The following AJAP1 variants were observed in gnomAD, a reference collection of about 807,000 sequenced individuals.
AJAP1 encodes the protein adherens junctions associated protein 1, also known as adherens junction-associated protein 1.
AJAP1 carries 5 observed loss-of-function variants against 35.0 expected under a neutral mutation model. The ratio of observed to expected loss-of-function variants is 0.14; its 90% CI spans 0.07 to 0.30. AJAP1 has a LOEUF of 0.30. Among genes scored for constraint, AJAP1 ranks in the 10% least tolerant of loss-of-function variants. The pLI, the probability that AJAP1 is intolerant of heterozygous loss-of-function variation, is 1.00. For missense variants in AJAP1, 586 were observed against 571.0 expected, an observed-to-expected ratio of 1.03 and a Z score of -0.27; for synonymous variants, 284 against 249.3, an observed-to-expected ratio of 1.14 and a Z score of -1.31.
chr1:4,738,702 A>G (rs1044240812), intron 2 of AJAP1, among the ~76,000 whole-genome samples: 1 of 152,136 alleles, frequency 6.6e-6, no homozygotes, highest in Non-Finnish European at 1.5e-5. Flanking sequence ...TCTGTTCTGG[A>G]AGGGTTCCCT....
chr1:4,704,248 C>T (rs2100250858), intron 1 of AJAP1, among the ~76,000 whole-genome samples: 1 of 150,176 alleles, frequency 6.7e-6, no homozygotes, highest in African/African-American at 2.4e-5. Context: ...TGCTGGTGTG[C>T]TGCACCCATT....
chr1:4,732,414 T>A (rs1640820825), intron 2 of AJAP1, among the ~76,000 whole-genome samples: 1 of 152,272 alleles, frequency 6.6e-6, no homozygotes, highest in Non-Finnish European at 1.5e-5. Context: ...ATGTGGCTGC[T>A]GGAGAGGGGA....
chr1:4,673,618 G>T (rs1285183961), intron 1 of AJAP1, among the ~76,000 whole-genome samples: 1 of 152,194 alleles, frequency 6.6e-6, no homozygotes, highest in African/African-American at 2.4e-5. Context: ...GAGGTGTGGA[G>T]GGAGCAGGGG....
At chr1:4,726,472 G>A (rs1015226028) in intron 2 of AJAP1, among the ~76,000 whole-genome samples, 2 of 152,118 alleles carry the variant, frequency 1.3e-5, no homozygotes, top group Non-Finnish European at 2.9e-5. Flanking sequence ...AGGCTTCTGG[G>A]GTGGTGTGGG....
At chr1:4,758,306 GC>G (rs1370202185) in intron 2 of AJAP1, among the ~76,000 whole-genome samples, 2 of 152,186 alleles carry the variant, frequency 1.3e-5, no homozygotes, top group Non-Finnish European at 2.9e-5. Context: ...AGCATCAGGG[GC>G]TGGCATAGGA....
intron 2 of AJAP1, among the ~76,000 whole-genome samples, 196 bp from the exon 3 acceptor site, chr1:4,769,657 G>A (rs1417597906): frequency 6.6e-6 from 1 of 152,044 alleles, no homozygotes; most frequent in Non-Finnish European, 1.5e-5. Flanking sequence ...CCCCGGGTGA[G>A]AGCAGCCTCA....
Position 4,791,323 on chromosome 1 carries a change from T to TA in AJAP1, c.*8839dup, listed in dbSNP as rs1642245845. On this transcript the variant is annotated 3_prime_UTR_variant, in exon 6 of 6. Transcript: ENST00000378191. ...CATTGATAACATTTTTAGAGTCTGT[T>TA]ACATTATTTTCTCAAAAGGAACACA... 1 of 152,250 alleles carries TA rather than the reference T, an allele frequency of 6.6e-6. No individual in the cohort carries two copies. The highest frequency in any genetic ancestry group is 1.9e-4 in the East Asian group (1 of 5,202). The allele number at this position is 152,250 out of a possible 1,614,324, so 9.4% of individuals were successfully genotyped here.
At chr1:4,691,244 C>T (rs553188109) in intron 1 of AJAP1, among the ~76,000 whole-genome samples, 1 of 152,292 alleles carries the variant, frequency 6.6e-6, no homozygotes, top group South Asian at 2.1e-4. Flanking sequence ...TGTCCAGCCA[C>T]CCTCGGGTGC....
At chr1:4,713,249 G>A (rs909358918) in intron 2 of AJAP1, among the ~76,000 whole-genome samples, 3 of 152,214 alleles carry the variant, frequency 2.0e-5, no homozygotes, top group Admixed American at 6.5e-5. Context: ...GGCCGAGGCT[G>A]GGTAAAAGGA....
At chr1:4,755,836 G>A (rs544228083) in intron 2 of AJAP1, among the ~76,000 whole-genome samples, 1 of 152,046 alleles carries the variant, frequency 6.6e-6, no homozygotes, top group African/African-American at 2.4e-5. Context: ...GATTAAAAAC[G>A]ACTAGGAGGA....
At chr1:4,750,222 G>C (rs1376443023) in intron 2 of AJAP1, among the ~76,000 whole-genome samples, 1 of 152,200 alleles carries the variant, frequency 6.6e-6, no homozygotes, top group Admixed American at 6.5e-5. Context: ...GCATGTATTT[G>C]TGTGTGTTCA....
Position 4,720,326 on chromosome 1 carries a change from A to C in AJAP1, c.829+7627A>C, listed in dbSNP as rs1285260880. Among the ~76,000 whole-genome samples the C allele has an allele frequency of 6.6e-6, 1 of 152,248 alleles. No homozygotes were observed. The highest frequency in any genetic ancestry group is 2.4e-5 in the African/African-American group (1 of 41,464). ...TCTGTGTAAGGACGTGATGATGCAAAATAAAGGGAAAAAGCCTCCCTTTCC... is the reference window on the plus strand; with the variant it reads ...TCTGTGTAAGGACGTGATGATGCAACATAAAGGGAAAAAGCCTCCCTTTCC... On this transcript the variant is annotated intron_variant, in intron 2 of 5. Coordinates refer to ENST00000378191, the MANE Select transcript of AJAP1 (RefSeq NM_018836.4). This position sits in a 1 kb window ranked among gnomAD's most constrained non-coding sequence, Gnocchi z 4.4.
chr1:4,679,845 G>A (rs1639444470), intron 1 of AJAP1, among the ~76,000 whole-genome samples: 1 of 134,112 alleles, frequency 7.5e-6, no homozygotes, highest in South Asian at 2.6e-4. Context: ...GTGTGTGTGT[G>A]TGTGTGTAGA....
intron 1 of AJAP1, among the ~76,000 whole-genome samples, 186 bp from the exon 2 acceptor site, chr1:4,711,714 C>T (rs1185022829): frequency 6.6e-6 from 1 of 152,214 alleles, no homozygotes; most frequent in East Asian, 1.9e-4. Context: ...GCTGTTCTTG[C>T]ACGTGAGTGA....
intron 1 of AJAP1, among the ~76,000 whole-genome samples, chr1:4,666,415 A>G (rs539930168): frequency 2.6e-5 from 4 of 152,284 alleles, no homozygotes; most frequent in South Asian, 4.1e-4. Flanking sequence ...TCCCAGGGAA[A>G]GTGTCATGCT....
chr1:4,686,928 C>G (rs559880286), intron 1 of AJAP1, among the ~76,000 whole-genome samples: 3 of 152,168 alleles, frequency 2.0e-5, no homozygotes, highest in Admixed American at 6.5e-5. Flanking sequence ...CCACTTCTGC[C>G]GAGGGGTCAG....
chr1:4,711,886 T>C lies in AJAP1; in HGVS notation c.30-14T>C, dbSNP rs770127409. 17 of 1,444,996 alleles carry C rather than the reference T, an allele frequency of 1.2e-5. No homozygotes were observed. The highest frequency in any genetic ancestry group is 5.5e-5 in the East Asian group (2 of 36,484). The allele number at this position is 1,444,996 out of a possible 1,614,324, so 89.5% of individuals were successfully genotyped here. A position where few individuals can be genotyped will look rare whatever the true frequency, so the allele number is the denominator to read the frequency against. On this transcript the variant is annotated splice_polypyrimidine_tract_variant and intron_variant, in intron 1 of 5. Coordinates refer to ENST00000378191, the MANE Select transcript of AJAP1 (RefSeq NM_018836.4). ...TTCCACTGACCGCTCTTCTCTCCTT[T>C]CCCCCCCGCACAGCTCCATGTCCAT... is the stretch of plus-strand genomic sequence containing the variant.
chr1:4,683,188 G>A (rs1639527079), intron 1 of AJAP1, among the ~76,000 whole-genome samples: 1 of 152,144 alleles, frequency 6.6e-6, no homozygotes, highest in Non-Finnish European at 1.5e-5. Flanking sequence ...CTGTAGAATG[G>A]GGTTAATAGC....
intron 1 of AJAP1, among the ~76,000 whole-genome samples, chr1:4,662,312 C>T (rs1639016765): frequency 6.6e-6 from 1 of 152,184 alleles, no homozygotes; most frequent in African/African-American, 2.4e-5. Context: ...TGCCCATCCT[C>T]ACTATTCCTG....
Sources: gnomAD v4.1 joint callset for allele counts (sites outside exome capture counted in the v4.1 genomes callset) on GRCh38, gnomAD v4.1.1 for gene constraint, Gnocchi (gnomAD v3.1) non-coding constraint, MANE v1.5 for transcripts, NCBI Gene and HGNC (gene_info 2026-07-23, HGNC 2026-07-21) for gene names.